The following D2HGDH variants were observed in gnomAD, a reference collection of about 807,000 sequenced individuals.
D2HGDH encodes the protein D-2-hydroxyglutarate dehydrogenase.
Under a neutral mutation model 46.9 loss-of-function variants are expected in D2HGDH, and 31 were observed. The ratio of observed to expected loss-of-function variants is 0.66; its 90% CI spans 0.50 to 0.89. The LOEUF (loss-of-function observed/expected upper bound fraction) is 0.89, where lower values mean the gene tolerates loss of function less well. Ranked by LOEUF, D2HGDH falls within the 40% of genes least tolerant of loss-of-function variation. The pLI is 0.00. For synonymous variants in D2HGDH, 364 were observed against 332.6 expected, an observed-to-expected ratio of 1.09 and a Z score of -1.03; for missense variants, 698 against 720.8, an observed-to-expected ratio of 0.97 and a Z score of 0.36.
Position 241,751,269 on chromosome 2 carries a change from G to A in D2HGDH, c.1021G>A (p.Glu341Lys), listed in dbSNP as rs751263870. The A allele has an allele frequency of 1.9e-6, 3 of 1,613,964 alleles. No individual in the cohort carries two copies. Among genetic ancestry groups the A allele is most frequent in the Admixed American group, 1.7e-5 (1 of 60,006 alleles). ...AGAGAGTCCGTTTTACGTCCTCATC[G>A]AGACTTCAGGCTCCAACGCAGGCCA... ...VQESPFYVLI[E>K]TSGSNAGHDA... The change falls in exon 8 of 10, where the codon GAG (glutamate) becomes AAG (lysine). Residue 341 changes from glutamate to lysine, a missense_variant. Coordinates refer to ENST00000321264, the MANE Select transcript of D2HGDH (RefSeq NM_152783.5).
At chr2:241,764,509 G>A (rs1215287068) in intron 9 of D2HGDH, among the ~76,000 whole-genome samples, 2 of 152,228 alleles carry the variant, frequency 1.3e-5, no homozygotes, top group East Asian at 3.8e-4. Flanking sequence ...GAGTCTCCAG[G>A]TGGCATCTCG....
chr2:241,735,101 T>G, intron 1 of D2HGDH, 32 bp from the exon 2 acceptor site: 1 of 1,063,984 alleles, frequency 9.4e-7, no homozygotes, highest in Non-Finnish European at 1.3e-6. Context: ...ACAACGTGCA[T>G]AAAACATGAA....
chr2:241,759,895 G>A (rs1023870314), intron 9 of D2HGDH, among the ~76,000 whole-genome samples: 1 of 152,196 alleles, frequency 6.6e-6, no homozygotes, highest in Non-Finnish European at 1.5e-5. Flanking sequence ...TCTGGGCCCT[G>A]GTACCCTCGT....
In D2HGDH at chr2:241,743,065, G is replaced by C. The variant is rs1419711414; in HGVS notation, c.490+491G>C. On this transcript the variant is annotated intron_variant, in intron 4 of 9. Coordinates refer to ENST00000321264, the MANE Select transcript of D2HGDH (RefSeq NM_152783.5). The surrounding 1 kb of genome is among the most constrained non-coding windows in gnomAD (Gnocchi z 4.8). ...GAGGGGATCCTGACCCAGGGCGCCA[G>C]GGCGTGGCAGGCGTGAGGGGATCCT... is the stretch of plus-strand genomic sequence containing the variant. Among the ~76,000 whole-genome samples, 2 of 135,948 alleles carry C rather than the reference G, an allele frequency of 1.5e-5. No individual in the cohort carries two copies. The highest frequency in any genetic ancestry group is 7.1e-5 in the Admixed American group (1 of 14,020). 89.2% of individuals were successfully genotyped at this position (135,948 alleles called of 152,430 possible).
intron 9 of D2HGDH, 100 bp downstream of exon 9, chr2:241,756,114 G>A (rs1698148115): frequency 6.9e-7 from 1 of 1,453,688 alleles, no homozygotes; most frequent in South Asian, 1.4e-5. Context: ...GTTTGACCAT[G>A]GTCTCTGGCT....
intron 8 of D2HGDH, chr2:241,755,195 G>T (rs919974282): frequency 7.7e-7 from 1 of 1,294,574 alleles, no homozygotes. Flanking sequence ...CGCCCGCCGT[G>T]TCCCTCCTCC....
chr2:241,761,574 T>TG (rs1167609894), intron 9 of D2HGDH, among the ~76,000 whole-genome samples: 1 of 152,182 alleles, frequency 6.6e-6, no homozygotes, highest in Non-Finnish European at 1.5e-5. Context: ...GTGTGTAGTT[T>TG]ATATGCAAAT....
At chr2:241,761,321 C>G (rs558172857) in intron 9 of D2HGDH, among the ~76,000 whole-genome samples, 8 of 152,060 alleles carry the variant, frequency 5.3e-5, no homozygotes, top group African/African-American at 1.9e-4. Context: ...GGTGGATCAC[C>G]GGAGGTCAGG....
chr2:241,742,054 G>T lies in D2HGDH; in HGVS notation c.351-381G>T, dbSNP rs1363151358. On this transcript the variant is annotated intron_variant, in intron 3 of 9. Transcript: ENST00000321264. The surrounding 1 kb of genome is among the most constrained non-coding windows in gnomAD (Gnocchi z 4.8). Reference sequence around the variant, plus strand: ...CACGTCTGGGGGATAATGGGCCGAGGGTGGGGAGATGCAGGCAGAGGGTGG... The same window carrying T: ...CACGTCTGGGGGATAATGGGCCGAGTGTGGGGAGATGCAGGCAGAGGGTGG... Among the ~76,000 whole-genome samples, 1 of 152,186 alleles carries T rather than the reference G, an allele frequency of 6.6e-6. No individual in the cohort carries two copies. The highest frequency in any genetic ancestry group is 1.5e-5 in the Non-Finnish European group (1 of 68,022).
chr2:241,767,658 G>A, intron 9 of D2HGDH, 52 bp from the exon 10 acceptor site: 1 of 1,610,164 alleles, frequency 6.2e-7, no homozygotes, highest in Non-Finnish European at 8.5e-7. Flanking sequence ...GGAGGAGTGG[G>A]GTCCTGGGGG....
intron 2 of D2HGDH, among the ~76,000 whole-genome samples, chr2:241,739,873 G>A (rs533872932): frequency 2.6e-5 from 4 of 152,364 alleles, no homozygotes; most frequent in Non-Finnish European, 4.4e-5. Context: ...GGCCGGGCGC[G>A]GCGACTCATG....
chr2:241,767,671 G>C, intron 9 of D2HGDH, 39 bp from the exon 10 acceptor site: 4 of 1,611,542 alleles, frequency 2.5e-6, no homozygotes, highest in Non-Finnish European at 3.4e-6. Context: ...CCTGGGGGCT[G>C]CCCTGCCCAG....
chr2:241,747,689 A>G (rs938637166), intron 6 of D2HGDH, among the ~76,000 whole-genome samples: 1 of 151,676 alleles, frequency 6.6e-6, no homozygotes, highest in Non-Finnish European at 1.5e-5. Context: ...CTGCCTCCCT[A>G]GTAGCTGGGA....
rs1695071346 is a variant in D2HGDH, at chr2:241,743,488, T to G, written c.491-134T>G. Reference sequence around the variant, plus strand: ...CTTGGGCCAGCGATGTGGGGGTGCCTCTTCTCCTCAGCCCTGGCGCTGAGG... The same window carrying G: ...CTTGGGCCAGCGATGTGGGGGTGCCGCTTCTCCTCAGCCCTGGCGCTGAGG... On this transcript the variant is annotated intron_variant, in intron 4 of 9. Transcript: ENST00000321264. This position sits in a 1 kb window ranked among gnomAD's most constrained non-coding sequence, Gnocchi z 4.8. The G allele has an allele frequency of 1.3e-5, 13 of 980,110 alleles. No homozygotes were observed. Among genetic ancestry groups the G allele is most frequent in the Non-Finnish European group, 2.0e-5 (13 of 647,864 alleles). The allele number at this position is 980,110 out of a possible 1,614,324, so 60.7% of individuals were successfully genotyped here. A position where few individuals can be genotyped will look rare whatever the true frequency, so the allele number is the denominator to read the frequency against.
Position 241,744,799 on chromosome 2 carries a change from G to A in D2HGDH, c.775G>A (p.Glu259Lys). Residue 259 changes from glutamate to lysine, a missense_variant, in exon 6 of 10, where the codon GAG becomes AAG. Coordinates refer to ENST00000321264, the MANE Select transcript of D2HGDH (RefSeq NM_152783.5). ...YDLKQLFIGS[E>K]GTLGIITTVS... is the part of the protein sequence containing the mutation. ...CCTGAAGCAGCTGTTCATCGGGTCG[G>A]AGGGCACTTTGGGGATCATCACCAC... 1.9e-6 allele frequency: 3 copies of A among 1,614,208 alleles called. No homozygotes were observed. Among genetic ancestry groups the A allele is most frequent in the Non-Finnish European group, 2.5e-6 (3 of 1,180,030 alleles).
rs548095535 is a variant in D2HGDH, at chr2:241,747,119, G to A, written c.853+2242G>A. 9.2e-5 allele frequency among the ~76,000 whole-genome samples: 14 copies of A among 152,112 alleles called. No homozygotes were observed. In the South Asian group the frequency reaches 2.9e-3, roughly 32 times the overall value. On this transcript the variant is annotated intron_variant, in intron 6 of 9. Coordinates refer to ENST00000321264, the MANE Select transcript of D2HGDH (RefSeq NM_152783.5). ...TGCCTAGGTAATTAAAAAAAATTTTGTATGTAGAAACAGGGTCTCATGTAA... is the reference window on the plus strand; with the variant it reads ...TGCCTAGGTAATTAAAAAAAATTTTATATGTAGAAACAGGGTCTCATGTAA...
chr2:241,763,373 C>T (rs1238263658), intron 9 of D2HGDH, among the ~76,000 whole-genome samples: 1 of 152,134 alleles, frequency 6.6e-6, no homozygotes, highest in Non-Finnish European at 1.5e-5. Flanking sequence ...TGTGCCTGAA[C>T]ACAAAAGCTA....
At chr2:241,755,601 G>A in intron 8 of D2HGDH, 1 of 1,501,982 alleles carries the variant, frequency 6.7e-7, no homozygotes, top group Non-Finnish European at 8.9e-7. Context: ...GTCTGGGATT[G>A]ATTCCAGGGT....
At chr2:241,751,143 A>G (rs1697120721) in intron 7 of D2HGDH, 103 bp from the exon 8 acceptor site, 24 of 1,524,930 alleles carry the variant, frequency 1.6e-5, no homozygotes, top group Non-Finnish European at 2.2e-5. Flanking sequence ...CTTGGCCACG[A>G]AAGATCAGTG....
Sources: allele counts gnomAD v4.1 joint callset (sites outside exome capture counted in the v4.1 genomes callset), GRCh38; gene constraint gnomAD v4.1.1; non-coding constraint Gnocchi (gnomAD v3.1); transcripts MANE v1.5; gene names NCBI Gene and HGNC (gene_info 2026-07-23, HGNC 2026-07-21).